Variants in PTCH2 observed in about 807,000 individuals in gnomAD.
The protein encoded by PTCH2 is patched 2, also known as protein patched homolog 2.
PTCH2 carries 96 observed loss-of-function variants against 117.9 expected under a neutral mutation model. The observed-to-expected ratio is 0.81, with a 90% CI of 0.69 to 0.96. The LOEUF is 0.96. Ranked by LOEUF, PTCH2 falls within the 50% of genes least tolerant of loss-of-function variation. PTCH2 has a pLI of 0.00. For missense variants in PTCH2, 1,379 were observed against 1,562.5 expected (o/e 0.88, Z 1.98); for synonymous variants, 615 against 660.9 (o/e 0.93, Z 1.06).
At position 44,831,040 on chromosome 1, in the gene PTCH2, G is replaced by A. The variant is rs972493615; in HGVS notation, c.621C>T (p.Gly207=). 3.1e-6 allele frequency: 5 copies of A among 1,610,692 alleles called. No individual in the cohort carries two copies. In the African/African-American group the frequency reaches 5.3e-5, roughly 17 times the overall value. ...GGTTGGTCCACTGGATATCCGGGCG[G>A]CCGCTGAGGGAAAAGCCTATAGTTG... ...KLQGGSAYLP[G]RPDIQWTNLD... is the part of the protein sequence containing the mutation. Residue 207 remains glycine (G), a synonymous_variant, in exon 6 of 22, where the codon GGC becomes GGT. Coordinates refer to ENST00000372192, the MANE Select transcript of PTCH2 (RefSeq NM_003738.5). The surrounding 1 kb of genome is among the most constrained non-coding windows in gnomAD (Gnocchi z 4.3).
intron 2 of PTCH2, among the ~76,000 whole-genome samples, chr1:44,835,049 CA>C (rs1351328304): frequency 2.0e-5 from 3 of 152,140 alleles, no homozygotes; most frequent in Admixed American, 2.0e-4. Context: ...GGGAGAATAT[CA>C]AGATTGATAC....
chr1:44,822,612 C>T lies in PTCH2; in HGVS notation c.3415G>A (p.Gly1139Ser). The T allele has an allele frequency of 1.2e-6, 2 of 1,614,028 alleles. No homozygotes were observed. The highest frequency in any genetic ancestry group is 2.2e-5 in the South Asian group (2 of 91,082). Reference protein sequence around the residue: ...EILSPPAPQGGGLRWGASSSL... With the variant: ...EILSPPAPQGSGLRWGASSSL... ...GAGGATGCCCCCCACCTAAGCCCGCCTCCCTGTGGAGCTGGTGGACTCAGG... is the reference window on the plus strand; with the variant it reads ...GAGGATGCCCCCCACCTAAGCCCGCTTCCCTGTGGAGCTGGTGGACTCAGG... Residue 1139 changes from glycine to serine, a missense_variant, in exon 22 of 22, where the codon GGC becomes AGC. By Grantham distance (56) the Gly-to-Ser change is moderately conservative. Transcript: ENST00000372192.
intron 2 of PTCH2, among the ~76,000 whole-genome samples, chr1:44,837,164 A>C (rs1413821905): frequency 6.6e-6 from 1 of 152,168 alleles, no homozygotes; most frequent in Non-Finnish European, 1.5e-5. Context: ...AGAGAATAAT[A>C]AATCAATCTT....
At chr1:44,833,463 G>A (rs1425639988) in intron 2 of PTCH2, among the ~76,000 whole-genome samples, 1 of 147,266 alleles carries the variant, frequency 6.8e-6, no homozygotes, top group Non-Finnish European at 1.5e-5. Context: ...TTGAGACAGA[G>A]TCTTGCTCTA....
At position 44,822,001 on chromosome 1, in the gene PTCH2, T is replaced by G; in HGVS notation, c.*414A>C. The G allele has an allele frequency of 7.6e-7, 1 of 1,309,622 alleles. No individual in the cohort carries two copies. The highest frequency in any genetic ancestry group is 1.0e-6 in the Non-Finnish European group (1 of 1,000,392). The allele number at this position is 1,309,622 out of a possible 1,614,324, so 81.1% of individuals were successfully genotyped here. A position where few individuals can be genotyped will look rare whatever the true frequency, so the allele number is the denominator to read the frequency against. ...AAACTTTCATCATAGCTAACATGTA[T>G]GTATACTACAAAAATAGACATTTTC... On this transcript the variant is annotated 3_prime_UTR_variant, in exon 22 of 22. Coordinates refer to ENST00000372192, the MANE Select transcript of PTCH2 (RefSeq NM_003738.5).
intron 2 of PTCH2, among the ~76,000 whole-genome samples, chr1:44,839,834 G>C (rs11573542): frequency 6.6e-6 from 1 of 151,948 alleles, no homozygotes; most frequent in Non-Finnish European, 1.5e-5. Flanking sequence ...CTGCAGGGCT[G>C]GGGGTAGGTA....
Position 44,826,551 on chromosome 1 carries a change from C to T in PTCH2, c.2913G>A (p.Leu971=), listed in dbSNP as rs564863323. The T allele has an allele frequency of 1.3e-5, 21 of 1,613,704 alleles. No individual in the cohort carries two copies. In the South Asian group the frequency reaches 1.9e-4, roughly 14 times the overall value. The change falls in exon 18 of 22, where the codon CTG becomes CTA. Residue 971 remains leucine, a synonymous_variant. Coordinates refer to ENST00000372192, the MANE Select transcript of PTCH2 (RefSeq NM_003738.5). This position sits in a 1 kb window ranked among gnomAD's most constrained non-coding sequence, Gnocchi z 5.1. ...CACAGACGAGGAAAGTGCACACCAG[C>T]AGGATGCAGACGGCCAGCAGGAAGC... ...RRCFLLAVCI[L]LVCTFLVCAL... is the part of the protein sequence containing the mutation.
chr1:44,821,385 G>A (rs538687894), downstream of PTCH2, among the ~76,000 whole-genome samples: 2 of 152,278 alleles, frequency 1.3e-5, no homozygotes, highest in African/African-American at 2.4e-5. Flanking sequence ...GACACCTCTC[G>A]GCTGTCAGGA....
chr1:44,841,134 A>C (rs909981587), intron 2 of PTCH2, among the ~76,000 whole-genome samples: 1 of 151,612 alleles, frequency 6.6e-6, no homozygotes, highest in Non-Finnish European at 1.5e-5. Context: ...GCACCACTGC[A>C]CTCCAGCCTG....
chr1:44,827,798 G>C (rs1653230725), intron 14 of PTCH2, 45 bp downstream of exon 14: 1 of 1,612,702 alleles, frequency 6.2e-7, no homozygotes, highest in African/African-American at 1.3e-5. Flanking sequence ...CTGCCCTTCT[G>C]GGCCCAGAGA....
rs1379850084 is a variant in PTCH2 at position 44,826,618 on chromosome 1, G to T, written c.2846C>A (p.Ser949Tyr). 14 of 1,613,182 alleles carry T rather than the reference G, an allele frequency of 8.7e-6. No individual in the cohort carries two copies. Among genetic ancestry groups the T allele is most frequent in the East Asian group, 2.2e-5 (1 of 44,898 alleles). Residue 949 changes from serine (S) to tyrosine (Y), a missense_variant, in exon 18 of 22, where the codon TCC becomes TAC. Ser to Tyr is a moderately radical substitution (Grantham distance 144). Coordinates refer to ENST00000372192, the MANE Select transcript of PTCH2 (RefSeq NM_003738.5). The surrounding 1 kb of genome is among the most constrained non-coding windows in gnomAD (Gnocchi z 5.1). ...ATACTGTTCCCAGAAGAGGAAGGGG[G>T]AGCCGCTGGGGTAGGCGTGCACCCC... ...QAGVHAYPSG[S>Y]PFLFWEQYLG... is the part of the protein sequence containing the mutation.
intron 2 of PTCH2, 70 bp downstream of exon 2, chr1:44,841,777 C>G: frequency 6.4e-7 from 1 of 1,564,900 alleles, no homozygotes; most frequent in Non-Finnish European, 8.8e-7. Flanking sequence ...GCTCAGTAGC[C>G]AGCTCCTCAC....
chr1:44,841,436 C>T (rs1359351363), intron 2 of PTCH2, among the ~76,000 whole-genome samples: 1 of 152,194 alleles, frequency 6.6e-6, no homozygotes, highest in African/African-American at 2.4e-5. Context: ...TGATTTCTCC[C>T]TACCCTATCT....
Position 44,829,777 on chromosome 1 carries a change from G to C in PTCH2, c.936-16C>G. 6.2e-7 allele frequency: 1 copy of C among 1,614,046 alleles called. No individual in the cohort carries two copies. The highest frequency in any genetic ancestry group is 2.2e-5 in the East Asian group (1 of 44,890). On this transcript the variant is annotated splice_polypyrimidine_tract_variant and intron_variant, in intron 7 of 21. Transcript: ENST00000372192. ...GGCCTCTGCCCTGGTGGGGGTGTGG[G>C]AGAACCAGGGGTCAGAGCTGGCCCA...
intron 11 of PTCH2, 32 bp downstream of exon 11, chr1:44,828,949 GC>G (rs1403903395): frequency 5.8e-6 from 9 of 1,543,576 alleles, no homozygotes; most frequent in Non-Finnish European, 7.0e-6. Context: ...AAGCTGAGCT[GC>G]CTCAGATGAG....
At chr1:44,821,894 A>G (rs1167351709), downstream of PTCH2, 3 of 1,365,520 alleles carry the variant, frequency 2.2e-6, no homozygotes, top group Admixed American at 1.9e-5. Context: ...TTCACTTGCA[A>G]ACTCCCCACT....
rs776921811 is a variant in PTCH2 at position 44,823,350 on chromosome 1, C to T, written c.3150G>A (p.Arg1050=). ...ATGTGTGCTCAAGGGCATGGGCGGC[C>T]CGCAGGTTCCGGCTGCCCTGGGTGG... The part of the protein sequence containing the change: ...FLTTQGSRNL[R]AAHALEHTFA... Residue 1050 remains arginine, a synonymous_variant, in exon 20 of 22, where the codon CGG becomes CGA. Coordinates refer to ENST00000372192, the MANE Select transcript of PTCH2 (RefSeq NM_003738.5). This position sits in a 1 kb window ranked among gnomAD's most constrained non-coding sequence, Gnocchi z 5.1. The T allele has an allele frequency of 1.9e-6, 3 of 1,614,224 alleles. No homozygotes were observed. The highest frequency in any genetic ancestry group is 2.2e-5 in the South Asian group (2 of 91,090).
chr1:44,829,190 C>A lies in PTCH2; in HGVS notation c.1338G>T (p.Leu446=), dbSNP rs1340962817. ...AVASGLGLCA[L]LGITFNAATT... is the part of the protein sequence containing the mutation. ...TGGCAGCATTGAAGGTGATGCCGAGCAGGGCACAGAGCCCAAGGCCTGAGG... is the reference window on the plus strand; with the variant it reads ...TGGCAGCATTGAAGGTGATGCCGAGAAGGGCACAGAGCCCAAGGCCTGAGG... The change falls in exon 10 of 22, where the codon CTG becomes CTT. Residue 446 remains leucine, a synonymous_variant. Transcript: ENST00000372192. The A allele has an allele frequency of 6.2e-7, 1 of 1,613,696 alleles. No homozygotes were observed. Among genetic ancestry groups the A allele is most frequent in the Non-Finnish European group, 8.5e-7 (1 of 1,180,034 alleles).
At position 44,826,641 on chromosome 1, in the gene PTCH2, C is replaced by G. The variant is rs779998161; in HGVS notation, c.2823G>C (p.Gly941=). Residue 941 remains glycine, a synonymous_variant, in exon 18 of 22, where the codon GGG becomes GGC. Coordinates refer to ENST00000372192, the MANE Select transcript of PTCH2 (RefSeq NM_003738.5). The surrounding 1 kb of genome is among the most constrained non-coding windows in gnomAD (Gnocchi z 5.1). ...GGGAGCCGCTGGGGTAGGCGTGCAC[C>G]CCAGCCTGGCCGGCCTCTGCGCATG... The part of the protein sequence containing the change: ...RAACAEAGQA[G]VHAYPSGSPF... 7.3e-5 allele frequency: 118 copies of G among 1,612,338 alleles called. No individual in the cohort carries two copies. Among genetic ancestry groups the G allele is most frequent in the Non-Finnish European group, 9.9e-5 (117 of 1,179,560 alleles).
Sources: allele counts gnomAD v4.1 joint callset (sites outside exome capture counted in the v4.1 genomes callset), GRCh38; gene constraint gnomAD v4.1.1; non-coding constraint Gnocchi (gnomAD v3.1); transcripts MANE v1.5; gene names NCBI Gene and HGNC (gene_info 2026-07-23, HGNC 2026-07-21).